SHROOM3: variants seen among roughly 807,000 people sequenced by gnomAD.
The protein encoded by SHROOM3 is shroom family member 3.
In SHROOM3, 47 loss-of-function variants were observed where a neutral mutation model predicts 138.6. The ratio of observed to expected loss-of-function variants is 0.34; its 90% CI spans 0.27 to 0.43. The LOEUF is 0.43. Ranked by LOEUF, SHROOM3 falls within the 20% of genes least tolerant of loss-of-function variation. The probability of loss-of-function intolerance (pLI) is 1.00; values close to 1 mark genes in which losing one functional copy is unlikely to be tolerated. For synonymous variants in SHROOM3, 1,062 were observed against 1,063.3 expected, an observed-to-expected ratio of 1.00 and a Z score of 0.02; for missense variants, 2,491 against 2,596.5, an observed-to-expected ratio of 0.96 and a Z score of 0.88.
At chr4:76,667,628 TACA>T (rs1251425047) in intron 2 of SHROOM3, among the ~76,000 whole-genome samples, 1 of 152,060 alleles carries the variant, frequency 6.6e-6, no homozygotes, top group African/African-American at 2.4e-5. Flanking sequence ...ATGTATTCTT[TACA>T]ACAATTTGTT....
intron 5 of SHROOM3, among the ~76,000 whole-genome samples, chr4:76,746,174 A>C (rs1721429499): frequency 1.3e-5 from 2 of 152,168 alleles, no homozygotes; most frequent in Non-Finnish European, 2.9e-5. Context: ...CCATCTCCTG[A>C]ATAAAAAGAG....
At chr4:76,445,646 G>A (rs763726075) in intron 1 of SHROOM3, among the ~76,000 whole-genome samples, 2 of 152,308 alleles carry the variant, frequency 1.3e-5, no homozygotes, top group Non-Finnish European at 2.9e-5. Context: ...AAGGTAGGCT[G>A]AGGTCAGATC....
chr4:76,441,086 GTTTTTTTT>G (rs374530154), intron 1 of SHROOM3, among the ~76,000 whole-genome samples: 3 of 82,182 alleles, frequency 3.7e-5, no homozygotes, highest in Admixed American at 2.0e-4. Context: ...AGTTCAATTT[GTTTTTTTT>G]TTTTTTTTTT....
intron 1 of SHROOM3, among the ~76,000 whole-genome samples, chr4:76,528,030 C>T (rs1355135483): frequency 2.0e-5 from 3 of 152,200 alleles, no homozygotes; most frequent in Non-Finnish European, 4.4e-5. Context: ...ATTCTAATTT[C>T]TGCACTGATG....
At chr4:76,531,973 A>G (rs750846862) in intron 1 of SHROOM3, among the ~76,000 whole-genome samples, 1 of 148,824 alleles carries the variant, frequency 6.7e-6, no homozygotes, top group Non-Finnish European at 1.5e-5. Context: ...TTTGTTACAT[A>G]TGTATACATG....
chr4:76,588,727 G>A (rs1010384128), intron 2 of SHROOM3, among the ~76,000 whole-genome samples: 5 of 152,116 alleles, frequency 3.3e-5, no homozygotes, highest in Admixed American at 1.3e-4. Context: ...ATAGGGAGCA[G>A]ACAAGCAAGC....
At chr4:76,636,361 G>A (rs1190193913) in intron 2 of SHROOM3, among the ~76,000 whole-genome samples, 1 of 152,190 alleles carries the variant, frequency 6.6e-6, no homozygotes, top group African/African-American at 2.4e-5. Context: ...AGGGAAAGAA[G>A]TTGGTAATTA....
chr4:76,472,598 T>C (rs928662757), intron 1 of SHROOM3, among the ~76,000 whole-genome samples: 4 of 152,166 alleles, frequency 2.6e-5, no homozygotes. Flanking sequence ...ATAGTCACAG[T>C]AAAAATGTCT....
chr4:76,761,171 C>T (rs1161099807), intron 9 of SHROOM3, among the ~76,000 whole-genome samples: 2 of 151,666 alleles, frequency 1.3e-5, no homozygotes, highest in African/African-American at 2.4e-5. Flanking sequence ...GTTTTTTAAC[C>T]TTTGTCCCCT....
intron 3 of SHROOM3, among the ~76,000 whole-genome samples, chr4:76,729,951 A>G (rs1316235970): frequency 6.6e-6 from 1 of 152,220 alleles, no homozygotes; most frequent in Admixed American, 6.5e-5. Context: ...GTGTTTCTAA[A>G]CTGCAGAAAA....
intron 2 of SHROOM3, among the ~76,000 whole-genome samples, chr4:76,572,594 G>C (rs568361077): frequency 5.3e-5 from 8 of 152,160 alleles, no homozygotes; most frequent in Non-Finnish European, 1.0e-4. Context: ...ATAATTTTGG[G>C]AGTTGTTTTC....
At chr4:76,511,822 C>A (rs993690211) in intron 1 of SHROOM3, among the ~76,000 whole-genome samples, 2 of 152,102 alleles carry the variant, frequency 1.3e-5, no homozygotes, top group African/African-American at 2.4e-5. Context: ...TCACTCCTGG[C>A]CAGGTGGGGC....
At chr4:76,468,427 A>G (rs1579174231) in intron 1 of SHROOM3, among the ~76,000 whole-genome samples, 2 of 152,150 alleles carry the variant, frequency 1.3e-5, no homozygotes, top group Admixed American at 6.6e-5. Context: ...GGGCAAACAA[A>G]TTATAGAATT....
At chr4:76,477,781 C>T (rs1731517977) in intron 1 of SHROOM3, among the ~76,000 whole-genome samples, 1 of 152,120 alleles carries the variant, frequency 6.6e-6, no homozygotes, top group Non-Finnish European at 1.5e-5. Context: ...GTACCCAGCT[C>T]ATCTCATTGG....
At chr4:76,652,089 GTTCAA>G (rs1560580631) in intron 2 of SHROOM3, among the ~76,000 whole-genome samples, 1 of 152,132 alleles carries the variant, frequency 6.6e-6, no homozygotes, top group African/African-American at 2.4e-5. Context: ...TGAATTAAGT[GTTCAA>G]TTCAATTCCA....
At chr4:76,558,714 T>C (rs1387761948) in intron 2 of SHROOM3, among the ~76,000 whole-genome samples, 3 of 152,214 alleles carry the variant, frequency 2.0e-5, no homozygotes, top group African/African-American at 7.2e-5. Context: ...GTGAAAAGTA[T>C]GCCATATGGA....
chr4:76,555,538 C>T (rs750518212), intron 1 of SHROOM3, 71 bp from the exon 2 acceptor site: 101 of 1,604,876 alleles, frequency 6.3e-5, no homozygotes, highest in Middle Eastern at 2.2e-4. Context: ...AAGCTGGGCT[C>T]GGGATAGCCG....
intron 3 of SHROOM3, among the ~76,000 whole-genome samples, chr4:76,715,332 C>T (rs1720341822): frequency 6.6e-6 from 1 of 152,218 alleles, no homozygotes; most frequent in Non-Finnish European, 1.5e-5. Flanking sequence ...GAGAGAGACA[C>T]TTTTAGTGGT....
At chr4:76,698,669 T>C (rs764473826) in intron 2 of SHROOM3, among the ~76,000 whole-genome samples, 2 of 152,088 alleles carry the variant, frequency 1.3e-5, no homozygotes, top group Non-Finnish European at 2.9e-5. Flanking sequence ...GCCAAACTCA[T>C]TCTGTTTTAA....
Sources: gnomAD v4.1 joint callset for allele counts (sites outside exome capture counted in the v4.1 genomes callset) on GRCh38, gnomAD v4.1.1 for gene constraint, MANE v1.5 for transcripts, NCBI Gene and HGNC (gene_info 2026-07-23, HGNC 2026-07-21) for gene names.